The following RNF111 variants were observed in gnomAD, a reference collection of about 807,000 sequenced individuals.
RNF111 encodes the protein E3 ubiquitin-protein ligase Arkadia.
RNF111 carries 17 observed loss-of-function variants against 95.1 expected under a neutral mutation model. The ratio of observed to expected loss-of-function variants is 0.18; its 90% CI spans 0.12 to 0.27. The LOEUF (loss-of-function observed/expected upper bound fraction) is 0.27, where lower values mean the gene tolerates loss of function less well. Among genes scored for constraint, RNF111 ranks in the 10% least tolerant of loss-of-function variants. The probability of loss-of-function intolerance (pLI) is 1.00; values close to 1 mark genes in which losing one functional copy is unlikely to be tolerated. For missense variants in RNF111, 1,189 were observed against 1,210.4 expected, an observed-to-expected ratio of 0.98 and a Z score of 0.26; for synonymous variants, 440 against 414.8, an observed-to-expected ratio of 1.06 and a Z score of -0.74.
intron 1 of RNF111, among the ~76,000 whole-genome samples, chr15:59,007,648 TTG>T (rs2039602699): frequency 6.6e-6 from 1 of 152,180 alleles, no homozygotes; most frequent in Non-Finnish European, 1.5e-5. Context: ...GGAGTTCCAG[TTG>T]TGGAATATCC....
chr15:59,018,579 C>A (rs532922787), intron 1 of RNF111, among the ~76,000 whole-genome samples: 6 of 151,980 alleles, frequency 3.9e-5, no homozygotes, highest in Non-Finnish European at 5.9e-5. Flanking sequence ...TATACAGAAA[C>A]TTATAAAGGG....
intron 1 of RNF111, among the ~76,000 whole-genome samples, chr15:59,026,017 A>G (rs1344319779): frequency 6.6e-6 from 1 of 150,872 alleles, no homozygotes; most frequent in Non-Finnish European, 1.5e-5. Context: ...GGCGTGAGCC[A>G]CTGTGCCCGG....
intron 1 of RNF111, among the ~76,000 whole-genome samples, chr15:59,002,755 G>A (rs761399384): frequency 2.0e-5 from 3 of 152,158 alleles, no homozygotes; most frequent in Non-Finnish European, 4.4e-5. Context: ...TACTTCTGAT[G>A]TCATTGTGTG....
At chr15:59,084,388 G>C in intron 9 of RNF111, 134 bp downstream of exon 9, 1 of 856,468 alleles carries the variant, frequency 1.2e-6, no homozygotes. Context: ...CTGAGACACT[G>C]CCTCTGGGCA....
At chr15:59,078,026 A>C (rs1304802200) in intron 7 of RNF111, among the ~76,000 whole-genome samples, 1 of 152,236 alleles carries the variant, frequency 6.6e-6, no homozygotes, top group African/African-American at 2.4e-5. Context: ...ACTGGGGAAG[A>C]CAATATGGCA....
chr15:59,094,688 T>C, intron 13 of RNF111, 95 bp from the exon 14 acceptor site: 1 of 749,514 alleles, frequency 1.3e-6, no homozygotes, highest in Non-Finnish European at 2.4e-6. Flanking sequence ...CTTAGTACCT[T>C]CAAAACATTA....
intron 2 of RNF111, among the ~76,000 whole-genome samples, chr15:59,042,358 C>T (rs1342206468): frequency 6.6e-6 from 1 of 152,082 alleles, no homozygotes; most frequent in Non-Finnish European, 1.5e-5. Context: ...AACTTCTGAG[C>T]TCAAGTGATC....
intron 2 of RNF111, among the ~76,000 whole-genome samples, chr15:59,050,984 G>A (rs1027590741): frequency 6.6e-6 from 1 of 152,246 alleles, no homozygotes; most frequent in East Asian, 1.9e-4. Context: ...GAGAGACAGA[G>A]CAGGATTCTA....
intron 1 of RNF111, among the ~76,000 whole-genome samples, chr15:58,995,720 TC>T (rs1170001096): frequency 6.8e-6 from 1 of 147,258 alleles, no homozygotes; most frequent in Non-Finnish European, 1.5e-5. Flanking sequence ...TGCCTCAGCC[TC>T]CCAAAGTGCT....
chr15:59,065,830 G>C, intron 5 of RNF111, among the ~76,000 whole-genome samples: 1 of 152,144 alleles, frequency 6.6e-6, no homozygotes, highest in East Asian at 1.9e-4. Flanking sequence ...GGGCAATGTG[G>C]CAAAATCTTG....
At chr15:59,074,456 C>A (rs2140124200) in intron 6 of RNF111, among the ~76,000 whole-genome samples, 2 of 152,342 alleles carry the variant, frequency 1.3e-5, no homozygotes, top group South Asian at 4.1e-4. Context: ...TCAGCACTTG[C>A]TGCTTCTCCT....
chr15:59,076,365 A>G, intron 7 of RNF111, 150 bp downstream of exon 7: 1 of 873,996 alleles, frequency 1.1e-6, no homozygotes, highest in Non-Finnish European at 1.7e-6. Flanking sequence ...TGTTAGTATT[A>G]TGTAATTGAG....
At chr15:59,035,257 C>T (rs375362809) in intron 2 of RNF111, among the ~76,000 whole-genome samples, 25 of 152,268 alleles carry the variant, frequency 1.6e-4, no homozygotes, top group African/African-American at 5.8e-4. Flanking sequence ...GGGATACAGC[C>T]AGACCATATC....
At chr15:59,036,672 A>C (rs562152819) in intron 2 of RNF111, among the ~76,000 whole-genome samples, 2 of 152,276 alleles carry the variant, frequency 1.3e-5, no homozygotes, top group African/African-American at 2.4e-5. Context: ...AAGCCAAACC[A>C]TATCGGTGCA....
At position 59,068,676 on chromosome 15, in the gene RNF111, G is replaced by A. The variant is rs368803129; in HGVS notation, c.1686+1593G>A. Among the ~76,000 whole-genome samples the A allele has an allele frequency of 5.9e-5, 9 of 152,038 alleles. No individual in the cohort carries two copies. The South Asian group carries it at 6.2e-4, about 11-fold the overall frequency. ...CTAGGATTACAGGCATTAAGCCACC[G>A]TGCCCGGCCAAGCTACCACTTTTCT... On this transcript the variant is annotated intron_variant, in intron 6 of 13. Transcript: ENST00000348370.
rs2079040144 is a variant in RNF111 at position 59,091,114 on chromosome 15, G to A, written c.2699G>A (p.Gly900Glu). The change falls in exon 12 of 14, where the codon GGG becomes GAG. Residue 900 changes from glycine to glutamate, a missense_variant. By Grantham distance (98) the Gly-to-Glu change is moderately conservative. Coordinates refer to ENST00000348370, the MANE Select transcript of RNF111 (RefSeq NM_017610.8). ...LGNVNRGASQ[G>E]TIERCTYPHK... ...AATGTCAATCGTGGAGCATCCCAGG[G>A]GACAATTGAAAGATGTACATATCCA... The A allele has an allele frequency of 2.5e-6, 4 of 1,608,720 alleles. No individual in the cohort carries two copies. The highest frequency in any genetic ancestry group is 3.3e-5 in the Admixed American group (2 of 59,714).
chr15:59,094,618 T>C (rs1190037820), intron 13 of RNF111, among the ~76,000 whole-genome samples, 165 bp from the exon 14 acceptor site: 1 of 152,212 alleles, frequency 6.6e-6, no homozygotes, highest in Non-Finnish European at 1.5e-5. Context: ...TGATCATTTA[T>C]ATATTATATT....
chr15:59,052,431 G>A lies in RNF111; in HGVS notation c.1007G>A (p.Arg336Gln), dbSNP rs564896855. 17 of 1,558,906 alleles carry A rather than the reference G, an allele frequency of 1.1e-5. 1 individual carries two copies. The highest frequency in any genetic ancestry group is 8.8e-5 in the South Asian group (7 of 79,534). Residue 336 changes from arginine to glutamine, a missense_variant and splice_region_variant, in exon 3 of 14, where the codon CGG (arginine) becomes CAG (glutamine). This residue lies in a region of RNF111 where 1,024 missense variants were observed against 925.9 expected (regional missense o/e 1.11). Transcript: ENST00000348370. ...VEIVTVGESY[R>Q]SRSTLGHSRS... ...ATTGTAACAGTTGGAGAAAGCTATC[G>A]GTGAGATTTTAATTCTTAGTTAAAT...
chr15:59,092,164 A>G (rs1340304264), intron 12 of RNF111, among the ~76,000 whole-genome samples: 1 of 152,190 alleles, frequency 6.6e-6, no homozygotes, highest in Non-Finnish European at 1.5e-5. Flanking sequence ...ACTGTAACTA[A>G]TGTTAATTTA....
Sources: allele counts gnomAD v4.1 joint callset (sites outside exome capture counted in the v4.1 genomes callset), GRCh38; gene constraint gnomAD v4.1.1; regional missense constraint gnomAD v4.1.1; transcripts MANE v1.5; gene names NCBI Gene and HGNC (gene_info 2026-07-23, HGNC 2026-07-21).